IARS1: variants seen among roughly 807,000 people sequenced by gnomAD.
IARS1 encodes the protein isoleucyl-tRNA synthetase 1.
Under a neutral mutation model 168.2 loss-of-function variants are expected in IARS1, and 124 were observed. The ratio of observed to expected loss-of-function variants is 0.74; its 90% CI spans 0.64 to 0.86. IARS1 has a LOEUF of 0.86. Among genes scored for constraint, IARS1 ranks in the 40% least tolerant of loss-of-function variants. The pLI is 0.00. For synonymous variants in IARS1, 532 were observed against 529.4 expected, an observed-to-expected ratio of 1.00 and a Z score of -0.07; for missense variants, 1,452 against 1,515.8, an observed-to-expected ratio of 0.96 and a Z score of 0.70.
At chr9:92,289,552 C>A (rs1835990400) in intron 1 of IARS1, 126 bp from the exon 2 acceptor site, 4 of 623,812 alleles carry the variant, frequency 6.4e-6, no homozygotes, top group African/African-American at 3.7e-5. Flanking sequence ...TATTGATGTA[C>A]AATTTACATA....
At chr9:92,292,097 G>C (rs1377222396) in intron 1 of IARS1, among the ~76,000 whole-genome samples, 1 of 147,672 alleles carries the variant, frequency 6.8e-6, no homozygotes, top group Non-Finnish European at 1.5e-5. Context: ...GCTCACTGCA[G>C]CCTTGACCTC....
chr9:92,251,976 A>T (rs2133711424), intron 21 of IARS1, 91 bp from the exon 22 acceptor site: 1 of 889,858 alleles, frequency 1.1e-6, no homozygotes, highest in South Asian at 1.4e-5. Context: ...GCAATCTTCA[A>T]AGAACATGCA....
chr9:92,293,212 T>G (rs2134034717), intron 1 of IARS1, among the ~76,000 whole-genome samples: 2 of 152,322 alleles, frequency 1.3e-5, no homozygotes, highest in East Asian at 3.9e-4. Flanking sequence ...GTGTATACAA[T>G]GACATTCACC....
Position 92,242,384 on chromosome 9 carries a change from C to T in IARS1, c.3001-54G>A, listed in dbSNP as rs567168226. The T allele has an allele frequency of 3.5e-6, 5 of 1,423,164 alleles. No individual in the cohort carries two copies. In the Admixed American group the frequency reaches 9.9e-5, roughly 28 times the overall value. 88.2% of individuals were successfully genotyped at this position (1,423,164 alleles called of 1,614,324 possible). A position where few individuals can be genotyped will look rare whatever the true frequency, so the allele number is the denominator to read the frequency against. On this transcript the variant is annotated intron_variant, in intron 28 of 33. Coordinates refer to ENST00000443024, the MANE Select transcript of IARS1 (RefSeq NM_002161.6). ...GGGAAGTACATTCTATTAATCAGAA[C>T]TGAAGGAAGGTACTGTTGAACAAGG...
At chr9:92,289,150 T>C in intron 2 of IARS1, 151 bp downstream of exon 2, 1 of 475,276 alleles carries the variant, frequency 2.1e-6, no homozygotes, top group East Asian at 3.7e-5. Context: ...GAGGTAGCAG[T>C]GAGCAGAGAT....
Position 92,265,064 on chromosome 9 carries a change from T to G in IARS1, c.1565A>C (p.Glu522Ala), listed in dbSNP as rs754116294. Residue 522 changes from glutamate (E) to alanine (A), a missense_variant, in exon 16 of 34, where the codon GAA (glutamate) becomes GCA (alanine). Physicochemically the swap from Glu to Ala is moderately radical, Grantham distance 107 (BLOSUM62 -1). Transcript: ENST00000443024. ...CGKGSLHRIS[E>A]VFDCWFESGS... ...ACTCTCAAACCAACAGTCAAACACT[T>G]CAGAGATGCGGTGCAAGGATCCCTT... 3.7e-6 allele frequency: 6 copies of G among 1,613,968 alleles called. No individual in the cohort carries two copies. The highest frequency in any genetic ancestry group is 5.1e-6 in the Non-Finnish European group (6 of 1,180,010).
At chr9:92,276,245 T>G (rs1414669832) in intron 9 of IARS1, among the ~76,000 whole-genome samples, 1 of 151,802 alleles carries the variant, frequency 6.6e-6, no homozygotes, top group Admixed American at 6.6e-5. Context: ...TCAGCAGATA[T>G]CAACATAAGA....
chr9:92,232,034 T>C (rs576456195), intron 30 of IARS1, among the ~76,000 whole-genome samples: 50 of 152,344 alleles, frequency 3.3e-4, no homozygotes, highest in Non-Finnish European at 5.3e-4. Context: ...CCAGTATCCA[T>C]TACTTCACGT....
At chr9:92,242,395 T>TA (rs1456849183) in intron 28 of IARS1, 65 bp from the exon 29 acceptor site, 1 of 1,326,684 alleles carries the variant, frequency 7.5e-7, no homozygotes, top group African/African-American at 1.5e-5. Context: ...TGAAGGAAGG[T>TA]ACTGTTGAAC....
intron 30 of IARS1, among the ~76,000 whole-genome samples, chr9:92,229,982 C>T (rs952177497): frequency 1.3e-5 from 2 of 151,090 alleles, no homozygotes; most frequent in African/African-American, 4.9e-5. Context: ...CCTCCCAGGC[C>T]CATTCCCTCC....
rs1830049852 is a variant in IARS1 at position 92,251,861 on chromosome 9, C to T, written c.2254G>A (p.Val752Ile). Residue 752 changes from valine (V) to isoleucine (I), a missense_variant, in exon 22 of 34, where the codon GTC (valine) becomes ATC (isoleucine). Physicochemically the swap from Val to Ile is conservative, Grantham distance 29. Transcript: ENST00000443024. ...LKGENGMEDCVMALETLFSVL... is the reference protein window; with the variant it reads ...LKGENGMEDCIMALETLFSVL... ...CTAAACAAGGTTTCTAGGGCCATGA[C>T]ACAATCCTCCATCCCATTTTCACCC... The T allele has an allele frequency of 6.2e-7, 1 of 1,613,242 alleles. No homozygotes were observed. Among genetic ancestry groups the T allele is most frequent in the South Asian group, 1.1e-5 (1 of 91,058 alleles).
At chr9:92,276,323 A>C (rs1474743157) in intron 9 of IARS1, among the ~76,000 whole-genome samples, 2 of 152,228 alleles carry the variant, frequency 1.3e-5, no homozygotes, top group Non-Finnish European at 2.9e-5. Flanking sequence ...AGGAAAGGGA[A>C]GAGCCAGTTT....
intron 26 of IARS1, 58 bp from the exon 27 acceptor site, chr9:92,245,129 T>TA (rs1828998073): frequency 7.6e-7 from 1 of 1,320,930 alleles, no homozygotes; most frequent in East Asian, 2.3e-5. Flanking sequence ...GCTGCCCCAC[T>TA]ACCCGTGTAT....
At chr9:92,249,445 C>T (rs758496614) in intron 25 of IARS1, among the ~76,000 whole-genome samples, 3 of 151,980 alleles carry the variant, frequency 2.0e-5, no homozygotes, top group Admixed American at 2.0e-4. Flanking sequence ...CCCAGCTACT[C>T]GGGAGGCTGA....
intron 24 of IARS1, 78 bp from the exon 25 acceptor site, chr9:92,250,019 T>A: frequency 1.1e-6 from 1 of 939,440 alleles, no homozygotes; most frequent in Non-Finnish European, 1.7e-6. Context: ...ATTAAATGTT[T>A]ATTTGAATCT....
At chr9:92,267,725 T>C (rs1308198481) in intron 14 of IARS1, among the ~76,000 whole-genome samples, 1 of 151,772 alleles carries the variant, frequency 6.6e-6, no homozygotes, top group Non-Finnish European at 1.5e-5. Context: ...CATACATCTA[T>C]ATATCTACAC....
At chr9:92,243,819 T>C (rs980829636) in intron 27 of IARS1, among the ~76,000 whole-genome samples, 6 of 152,224 alleles carry the variant, frequency 3.9e-5, no homozygotes, top group African/African-American at 1.2e-4. Flanking sequence ...ACCACAAAAC[T>C]TTCTGTGACT....
At chr9:92,278,081 T>G in intron 8 of IARS1, 118 bp downstream of exon 8, 2 of 1,074,916 alleles carry the variant, frequency 1.9e-6, no homozygotes, top group Middle Eastern at 2.3e-4. Flanking sequence ...GTATTAGTAC[T>G]TAAAACTAAA....
chr9:92,280,688 T>C (rs777299868), intron 7 of IARS1, 58 bp downstream of exon 7: 15 of 1,146,010 alleles, frequency 1.3e-5, no homozygotes, highest in Non-Finnish European at 1.9e-5. Context: ...TTTCATATTT[T>C]CCAAAATATA....
Sources: gnomAD v4.1 joint callset for allele counts (sites outside exome capture counted in the v4.1 genomes callset) on GRCh38, gnomAD v4.1.1 for gene constraint, MANE v1.5 for transcripts, NCBI Gene and HGNC (gene_info 2026-07-23, HGNC 2026-07-21) for gene names.